Variants in PPM1B observed in about 807,000 individuals in gnomAD.
PPM1B encodes the protein protein phosphatase, Mg2+/Mn2+ dependent 1B.
Under a neutral mutation model 43.0 loss-of-function variants are expected in PPM1B, and 22 were observed. The ratio of observed to expected loss-of-function variants is 0.51; its 90% CI spans 0.37 to 0.73. The LOEUF (loss-of-function observed/expected upper bound fraction) is 0.73. Among genes scored for constraint, PPM1B ranks in the 30% least tolerant of loss-of-function variants. PPM1B has a pLI of 0.00. For missense variants in PPM1B, 632 were observed against 584.2 expected, an observed-to-expected ratio of 1.08 and a Z score of -0.84; for synonymous variants, 217 against 197.9, an observed-to-expected ratio of 1.10 and a Z score of -0.81.
At chr2:44,234,590 GA>G, downstream of PPM1B, 1 of 983,480 alleles carries the variant, frequency 1.0e-6, no homozygotes, top group South Asian at 4.7e-5. Flanking sequence ...GCTTGAAACA[GA>G]AATAATGTAT....
chr2:44,198,387 T>G (rs187708427), intron 1 of PPM1B, among the ~76,000 whole-genome samples: 1,619 of 152,144 alleles, frequency 0.011, 15 homozygotes, highest in Non-Finnish European at 0.018. Flanking sequence ...TCTCAAACTC[T>G]TTGCCTCAAG....
intron 3 of PPM1B, among the ~76,000 whole-genome samples, chr2:44,212,953 C>T (rs1669548103): frequency 6.9e-6 from 1 of 145,882 alleles, no homozygotes; most frequent in South Asian, 2.1e-4. Context: ...GTGGAGCTTG[C>T]AGTGAGCCAA....
At chr2:44,244,946 A>G (rs763106800), downstream of PPM1B, among the ~76,000 whole-genome samples, 2 of 151,544 alleles carry the variant, frequency 1.3e-5, no homozygotes, top group Non-Finnish European at 2.9e-5. Context: ...GGACACGTGA[A>G]TCTGGCAGTT....
chr2:44,173,737 G>A (rs974632992), intron 1 of PPM1B, among the ~76,000 whole-genome samples: 5 of 152,154 alleles, frequency 3.3e-5, no homozygotes, highest in Non-Finnish European at 7.3e-5. Flanking sequence ...GAGGTCAGGA[G>A]TTCGAGACTA....
chr2:44,181,145 A>G (rs1050972157), intron 1 of PPM1B, among the ~76,000 whole-genome samples: 10 of 152,092 alleles, frequency 6.6e-5, no homozygotes, highest in Non-Finnish European at 1.5e-4. Flanking sequence ...GAGTCTCAGT[A>G]TGTTGCCCAA....
In PPM1B at chr2:44,230,987, GTAGT is replaced by G. The variant is rs751249196; in HGVS notation, c.*272_*275del. 172 of 1,043,406 alleles carry G rather than the reference GTAGT, an allele frequency of 1.6e-4. 1 individual carries two copies. In the East Asian group the frequency reaches 5.3e-3, roughly 32 times the overall value. The allele number at this position is 1,043,406 out of a possible 1,614,324, so 64.6% of individuals were successfully genotyped here. Reference sequence around the variant, plus strand: ...GGCTACCAATTATGAATTAAAGTCAGTAGTTAAATTAATACTAGATAGAATTAGA... The same window carrying G: ...GGCTACCAATTATGAATTAAAGTCAGTAAATTAATACTAGATAGAATTAGA... On this transcript the variant is annotated 3_prime_UTR_variant, in exon 6 of 6. Transcript: ENST00000282412.
intron 4 of PPM1B, 121 bp from the exon 5 acceptor site, chr2:44,218,359 C>T (rs1490100522): frequency 1.3e-6 from 1 of 766,558 alleles, no homozygotes. Flanking sequence ...AAGGTATGTT[C>T]TTGACAAGTA....
chr2:44,199,649 G>C (rs944486264), intron 1 of PPM1B, among the ~76,000 whole-genome samples: 6 of 152,174 alleles, frequency 3.9e-5, no homozygotes, highest in Admixed American at 6.5e-5. Context: ...AATTAAACCA[G>C]CATGTTCAAA....
At position 44,218,075 on chromosome 2, in the gene PPM1B, G is replaced by T. The variant is rs773118242; in HGVS notation, c.1073G>T (p.Gly358Val). Residue 358 changes from glycine (G) to valine (V), a missense_variant, in exon 4 of 6, where the codon GGC becomes GTC. Coordinates refer to ENST00000282412, the MANE Select transcript of PPM1B (RefSeq NM_002706.6). ...TTGCCTCCTGGGGGAGGTCTTGCTG[G>T]CAAGTAAGTAGAACAAAAAGCTAAT... is the stretch of plus-strand genomic sequence containing the variant. ...PNLPPGGGLA[G>V]KRNVIEAVYS... The T allele has an allele frequency of 3.7e-6, 6 of 1,606,656 alleles. No homozygotes were observed. Among genetic ancestry groups the T allele is most frequent in the Non-Finnish European group, 5.1e-6 (6 of 1,174,708 alleles).
chr2:44,236,231 C>A (rs1670606367), downstream of PPM1B, among the ~76,000 whole-genome samples: 1 of 151,608 alleles, frequency 6.6e-6, no homozygotes, highest in South Asian at 2.1e-4. Context: ...CCTGTCTCTA[C>A]TTAAAAAATA....
chr2:44,215,456 T>C (rs1257873865), intron 3 of PPM1B, among the ~76,000 whole-genome samples: 2 of 150,806 alleles, frequency 1.3e-5, no homozygotes, highest in African/African-American at 2.5e-5. Flanking sequence ...AGAACATGTC[T>C]TTAAGAAAAA....
chr2:44,177,157 G>T (rs1359193687), intron 1 of PPM1B, among the ~76,000 whole-genome samples: 1 of 152,068 alleles, frequency 6.6e-6, no homozygotes, highest in Non-Finnish European at 1.5e-5. Context: ...TGAAATTTTG[G>T]AATATATTAA....
chr2:44,190,630 A>G (rs1240162053), intron 1 of PPM1B, among the ~76,000 whole-genome samples: 1 of 152,208 alleles, frequency 6.6e-6, no homozygotes, highest in Non-Finnish European at 1.5e-5. Context: ...AGGCAGATAC[A>G]TTTAAATGAG....
intron 5 of PPM1B, among the ~76,000 whole-genome samples, chr2:44,222,645 C>T (rs943991815): frequency 6.6e-6 from 1 of 152,148 alleles, no homozygotes; most frequent in Non-Finnish European, 1.5e-5. Flanking sequence ...GTAGTTTGCA[C>T]AGGTCACAAA....
chr2:44,236,402 CAAAAAA>C (rs61414038), downstream of PPM1B, among the ~76,000 whole-genome samples: 110 of 47,518 alleles, frequency 2.3e-3, 2 homozygotes, highest in Admixed American at 9.9e-3. Context: ...GACTCCGTCT[CAAAAAA>C]AAAAAAAAAA....
At chr2:44,174,547 T>G (rs1667491375) in intron 1 of PPM1B, among the ~76,000 whole-genome samples, 1 of 152,358 alleles carries the variant, frequency 6.6e-6, no homozygotes, top group Non-Finnish European at 1.5e-5. Context: ...TAGAAAACTT[T>G]TAAAATGCAG....
chr2:44,212,408 A>G (rs867275860), intron 3 of PPM1B, among the ~76,000 whole-genome samples: 4 of 152,180 alleles, frequency 2.6e-5, no homozygotes, highest in Non-Finnish European at 5.9e-5. Context: ...TCCTAAAGCT[A>G]TGCTTACTGT....
chr2:44,177,418 CT>C (rs35330548), intron 1 of PPM1B, among the ~76,000 whole-genome samples: 20 of 122,556 alleles, frequency 1.6e-4, no homozygotes, highest in Non-Finnish European at 2.3e-4. Context: ...GTGAAATAAC[CT>C]TTTTTTTTTT....
chr2:44,234,153 G>T, downstream of PPM1B: 1 of 973,926 alleles, frequency 1.0e-6, no homozygotes, highest in South Asian at 4.8e-5. Flanking sequence ...TAATTCCAAA[G>T]AGGAATTAAC....
Sources: gnomAD v4.1 joint callset for allele counts (sites outside exome capture counted in the v4.1 genomes callset) on GRCh38, gnomAD v4.1.1 for gene constraint, MANE v1.5 for transcripts, NCBI Gene and HGNC (gene_info 2026-07-23, HGNC 2026-07-21) for gene names.